Variants in RARB observed in about 807,000 individuals in gnomAD.
RARB encodes HBV-activated protein.
A neutral mutation model predicts 51.9 loss-of-function variants in RARB; 17 were observed. That is an observed-to-expected ratio of 0.33 (90% CI 0.22 to 0.49). The LOEUF is 0.49. Among genes scored for constraint, RARB ranks in the 20% least tolerant of loss-of-function variants. The pLI is 0.99. For missense variants in RARB, 369 were observed against 550.8 expected, an observed-to-expected ratio of 0.67 and a Z score of 3.30; for synonymous variants, 215 against 195.4, an observed-to-expected ratio of 1.10 and a Z score of -0.84.
intron 5 of RARB, among the ~76,000 whole-genome samples, chr3:25,361,917 A>G (rs1334709121): frequency 2.0e-5 from 3 of 151,770 alleles, no homozygotes; most frequent in Non-Finnish European, 2.9e-5. Context: ...GTATCTGTCG[A>G]CCCCTGCTGG....
chr3:25,329,908 G>C (rs1175464318), intron 5 of RARB, among the ~76,000 whole-genome samples: 2 of 151,966 alleles, frequency 1.3e-5, no homozygotes, highest in East Asian at 3.9e-4. Flanking sequence ...TGGAAGAAAG[G>C]GTATCAGTGA....
At chr3:25,544,114 A>T (rs944383129) in intron 3 of RARB, among the ~76,000 whole-genome samples, 1 of 152,234 alleles carries the variant, frequency 6.6e-6, no homozygotes, top group African/African-American at 2.4e-5. Context: ...TTTCTTCCAA[A>T]GGCCATTTAA....
At chr3:25,287,041 G>A (rs186691968) in intron 5 of RARB, among the ~76,000 whole-genome samples, 44 of 152,286 alleles carry the variant, frequency 2.9e-4, no homozygotes, top group East Asian at 9.6e-4. Context: ...CTGTTATTAC[G>A]AACAATGGAA....
intron 2 of RARB, among the ~76,000 whole-genome samples, chr3:25,473,929 A>AAAAAAAAAAAG (rs1337706992): frequency 6.6e-6 from 1 of 151,736 alleles, no homozygotes; most frequent in East Asian, 1.9e-4. Flanking sequence ...AGGAAAAAAA[A>AAAAAAAAAAAG]AAAACCTTTA....
intron 2 of RARB, among the ~76,000 whole-genome samples, chr3:25,008,736 C>T (rs1002673939): frequency 1.3e-5 from 2 of 152,070 alleles, no homozygotes; most frequent in African/African-American, 2.4e-5. Context: ...TCCCAGAAAC[C>T]TTCCCTATCT....
intron 2 of RARB, among the ~76,000 whole-genome samples, chr3:24,859,275 G>C (rs1417132540): frequency 3.9e-5 from 6 of 152,080 alleles, no homozygotes; most frequent in Admixed American, 2.6e-4. Flanking sequence ...GGAGCTTGAG[G>C]GTTTTGCTTT....
intron 2 of RARB, among the ~76,000 whole-genome samples, chr3:24,894,721 T>C (rs982584263): frequency 6.6e-6 from 1 of 152,230 alleles, no homozygotes; most frequent in African/African-American, 2.4e-5. Flanking sequence ...ACAATACCAA[T>C]ATAAATAATT....
intron 2 of RARB, among the ~76,000 whole-genome samples, chr3:24,917,797 G>T (rs1252403331): frequency 6.6e-6 from 1 of 152,322 alleles, no homozygotes; most frequent in South Asian, 2.1e-4. Flanking sequence ...AAAGTGCTGG[G>T]CTTACAGGCG....
At chr3:25,391,355 T>C (rs1269650515) in intron 5 of RARB, among the ~76,000 whole-genome samples, 2 of 152,196 alleles carry the variant, frequency 1.3e-5, no homozygotes, top group African/African-American at 4.8e-5. Flanking sequence ...GCTGTAAACA[T>C]GCATGTGCAA....
At chr3:25,152,459 G>A (rs1246633351) in intron 4 of RARB, among the ~76,000 whole-genome samples, 1 of 152,086 alleles carries the variant, frequency 6.6e-6, no homozygotes, top group Non-Finnish European at 1.5e-5. Context: ...AATGGTTATC[G>A]ACTGTCTTTT....
At chr3:25,216,812 T>C (rs1439854812) in intron 5 of RARB, among the ~76,000 whole-genome samples, 3 of 151,814 alleles carry the variant, frequency 2.0e-5, no homozygotes, top group Non-Finnish European at 4.4e-5. Context: ...AGAGCTCTTT[T>C]AGTCTATAGT....
chr3:25,009,884 T>C (rs1697357135), intron 2 of RARB, among the ~76,000 whole-genome samples: 1 of 152,060 alleles, frequency 6.6e-6, no homozygotes, highest in Non-Finnish European at 1.5e-5. Flanking sequence ...AAGGAAGGGA[T>C]AATTTAACTG....
intron 2 of RARB, among the ~76,000 whole-genome samples, chr3:24,944,256 A>T (rs1222974088): frequency 6.6e-6 from 1 of 152,142 alleles, no homozygotes. Context: ...TTCTCCATAG[A>T]CATTGATCCC....
intron 3 of RARB, among the ~76,000 whole-genome samples, chr3:25,568,185 G>C (rs1455196088): frequency 6.6e-6 from 1 of 152,164 alleles, no homozygotes; most frequent in Non-Finnish European, 1.5e-5. Context: ...AGAGTCCTGG[G>C]GGAAGGAAAC....
chr3:24,853,496 A>G (rs535325535), intron 1 of RARB, among the ~76,000 whole-genome samples: 1 of 152,232 alleles, frequency 6.6e-6, no homozygotes, highest in South Asian at 2.1e-4. Flanking sequence ...AGTAGAGAAG[A>G]CTCTGGTTTT....
In RARB at chr3:25,483,996, C is replaced by A. The variant is rs191647317; in HGVS notation, c.307-17186C>A. 6.3e-4 allele frequency among the ~76,000 whole-genome samples: 96 copies of A among 152,234 alleles called. 1 individual carries two copies. The highest frequency in any genetic ancestry group is 2.5e-4 in the Non-Finnish European group (17 of 68,024). On this transcript the variant is annotated intron_variant, in intron 2 of 7. Transcript: ENST00000330688. ...AATTCAATTGCAGATGGTATGTTGG[C>A]AATTTACAGAGCTATAAAGTTATTT...
At chr3:25,471,358 C>G (rs1024470122) in intron 2 of RARB, among the ~76,000 whole-genome samples, 1 of 152,196 alleles carries the variant, frequency 6.6e-6, no homozygotes, top group Non-Finnish European at 1.5e-5. Context: ...AAAATCTCAG[C>G]TTAGAGAATC....
At chr3:25,057,372 G>C (rs914935662) in intron 2 of RARB, among the ~76,000 whole-genome samples, 2 of 151,978 alleles carry the variant, frequency 1.3e-5, no homozygotes, top group Non-Finnish European at 2.9e-5. Flanking sequence ...TAAGAGTTGG[G>C]TTTCACTATT....
At chr3:24,881,884 A>C (rs1041430757) in intron 2 of RARB, among the ~76,000 whole-genome samples, 3 of 152,194 alleles carry the variant, frequency 2.0e-5, no homozygotes. Flanking sequence ...AGAGTTTTTG[A>C]ATGAATTAGT....
Sources: allele counts gnomAD v4.1 joint callset (sites outside exome capture counted in the v4.1 genomes callset), GRCh38; gene constraint gnomAD v4.1.1; transcripts MANE v1.5; gene names NCBI Gene and HGNC (gene_info 2026-07-23, HGNC 2026-07-21).